ATXN1: variants seen among roughly 807,000 people sequenced by gnomAD.
The protein encoded by ATXN1 is ataxin 1.
In ATXN1, 8 loss-of-function variants were observed where a neutral mutation model predicts 56.4. The ratio of observed to expected loss-of-function variants is 0.14; its 90% CI spans 0.08 to 0.26. ATXN1 has a LOEUF of 0.26. Among genes scored for constraint, ATXN1 ranks in the 10% least tolerant of loss-of-function variants. The pLI, the probability that ATXN1 is intolerant of heterozygous loss-of-function variation, is 1.00. For missense variants in ATXN1, 987 were observed against 1,106.5 expected, an observed-to-expected ratio of 0.89 and a Z score of 1.53; for synonymous variants, 514 against 494.6, an observed-to-expected ratio of 1.04 and a Z score of -0.52.
At chr6:16,551,993 A>G (rs985959045) in intron 4 of ATXN1, among the ~76,000 whole-genome samples, 1 of 152,186 alleles carries the variant, frequency 6.6e-6, no homozygotes, top group East Asian at 1.9e-4. Context: ...GGGCTGTGAA[A>G]CTGCAAGATG....
At chr6:16,590,818 C>T (rs1320764740) in intron 3 of ATXN1, among the ~76,000 whole-genome samples, 2 of 151,730 alleles carry the variant, frequency 1.3e-5, no homozygotes, top group African/African-American at 4.8e-5. Flanking sequence ...TACAGGCACA[C>T]GCCACCATGC....
At chr6:16,323,407 T>C (rs1404449895) in intron 7 of ATXN1, among the ~76,000 whole-genome samples, 4 of 151,402 alleles carry the variant, frequency 2.6e-5, no homozygotes, top group Non-Finnish European at 4.4e-5. Flanking sequence ...TAGTCTCGGC[T>C]ACTTGGGAGG....
intron 6 of ATXN1, among the ~76,000 whole-genome samples, chr6:16,470,491 T>TA (rs199591858): frequency 2.1e-3 from 323 of 152,188 alleles, no homozygotes; most frequent in Middle Eastern, 0.014. Context: ...TTTACTATAA[T>TA]AAAAAAAACT....
intron 2 of ATXN1, among the ~76,000 whole-genome samples, chr6:16,704,644 T>C (rs774321403): frequency 4.6e-5 from 7 of 152,184 alleles, no homozygotes; most frequent in Non-Finnish European, 7.3e-5. Flanking sequence ...GAAGCCGCAG[T>C]GCAATGTGAT....
At chr6:16,446,603 T>C (rs1425617958) in intron 6 of ATXN1, among the ~76,000 whole-genome samples, 2 of 152,238 alleles carry the variant, frequency 1.3e-5, no homozygotes, top group Non-Finnish European at 2.9e-5. Flanking sequence ...CATTTTGCTT[T>C]AGTCATTTGC....
intron 2 of ATXN1, among the ~76,000 whole-genome samples, chr6:16,666,171 A>T (rs1316274381): frequency 1.3e-5 from 2 of 151,946 alleles, no homozygotes; most frequent in African/African-American, 4.8e-5. Flanking sequence ...GCTAACCATC[A>T]TTCTACTCTC....
In ATXN1 at chr6:16,613,011, A is replaced by C. The variant is rs1229219821; in HGVS notation, c.-488-27104T>G. Among the ~76,000 whole-genome samples the C allele has an allele frequency of 2.0e-4, 30 of 151,142 alleles. 1 individual carries two copies. Among genetic ancestry groups the C allele is most frequent in the African/African-American group, 7.0e-4 (29 of 41,264 alleles). The stretch of plus-strand genomic sequence containing the variant: ...CCGGGCGCGGTGGCTCACGCCTGTA[A>C]TCCCAGCACTTTGGGAGGCCGAGGC... On this transcript the variant is annotated intron_variant, in intron 3 of 7. Transcript: ENST00000436367.
chr6:16,739,854 C>G, intron 2 of ATXN1: 1 of 456,926 alleles, frequency 2.2e-6, no homozygotes, highest in South Asian at 1.5e-5. Flanking sequence ...CACCAAGTCC[C>G]GGGGACTTCC....
chr6:16,375,468 A>G (rs562334852), intron 6 of ATXN1, among the ~76,000 whole-genome samples: 1 of 152,280 alleles, frequency 6.6e-6, no homozygotes, highest in South Asian at 2.1e-4. Context: ...ATGTCCTTCT[A>G]TGCCTGGTTA....
intron 6 of ATXN1, among the ~76,000 whole-genome samples, chr6:16,416,354 C>T (rs1329762054): frequency 2.0e-5 from 3 of 152,212 alleles, no homozygotes; most frequent in South Asian, 2.1e-4. Flanking sequence ...TTTATTGGCT[C>T]AATAATTAAT....
chr6:16,425,410 T>C (rs1453136190), intron 6 of ATXN1, among the ~76,000 whole-genome samples: 2 of 152,194 alleles, frequency 1.3e-5, no homozygotes, highest in Admixed American at 6.5e-5. Flanking sequence ...CAACATAATA[T>C]ACTGAAACAC....
intron 2 of ATXN1, among the ~76,000 whole-genome samples, chr6:16,688,659 A>G (rs780639633): frequency 2.3e-4 from 35 of 152,228 alleles, no homozygotes; most frequent in Non-Finnish European, 3.8e-4. Flanking sequence ...GTAATTGTGC[A>G]AAGAGAGAAT....
intron 6 of ATXN1, among the ~76,000 whole-genome samples, chr6:16,363,014 A>G (rs543575441): frequency 2.0e-5 from 3 of 152,318 alleles, no homozygotes; most frequent in Admixed American, 6.5e-5. Context: ...GATATAATCT[A>G]TATGTATGCT....
intron 3 of ATXN1, among the ~76,000 whole-genome samples, chr6:16,639,817 A>G (rs1351108629): frequency 6.6e-6 from 1 of 152,208 alleles, no homozygotes; most frequent in East Asian, 1.9e-4. Flanking sequence ...GCTGCAGTAA[A>G]ATTACAATGT....
At chr6:16,586,015 ACACACACATG>A (rs2113765439) in intron 3 of ATXN1, 108 bp from the exon 4 acceptor site, 1 of 151,504 alleles carries the variant, frequency 6.6e-6, no homozygotes, top group Admixed American at 6.6e-5. Flanking sequence ...ATAATCTCTC[ACACACACATG>A]CACACACGCA....
At chr6:16,733,868 C>A (rs979457418) in intron 2 of ATXN1, among the ~76,000 whole-genome samples, 6 of 152,030 alleles carry the variant, frequency 3.9e-5, no homozygotes, top group Admixed American at 3.3e-4. Flanking sequence ...GAACCACTGG[C>A]TGGGTGGAGT....
chr6:16,418,158 C>A (rs1031763498), intron 6 of ATXN1, among the ~76,000 whole-genome samples: 5 of 152,202 alleles, frequency 3.3e-5, no homozygotes, highest in Non-Finnish European at 7.3e-5. Context: ...GCTTAAAATG[C>A]TCATTAAATG....
At chr6:16,453,197 G>A (rs1261737880) in intron 6 of ATXN1, among the ~76,000 whole-genome samples, 2 of 152,084 alleles carry the variant, frequency 1.3e-5, no homozygotes, top group Admixed American at 6.5e-5. Context: ...CATTGATAGA[G>A]GGGGTACACT....
At chr6:16,660,462 T>C (rs922809689) in intron 2 of ATXN1, among the ~76,000 whole-genome samples, 7 of 152,258 alleles carry the variant, frequency 4.6e-5, no homozygotes, top group Non-Finnish European at 4.4e-5. Flanking sequence ...AAGTATGGGA[T>C]ATCAACAACC....
Sources: gnomAD v4.1 joint callset for allele counts (sites outside exome capture counted in the v4.1 genomes callset) on GRCh38, gnomAD v4.1.1 for gene constraint, MANE v1.5 for transcripts, NCBI Gene and HGNC (gene_info 2026-07-23, HGNC 2026-07-21) for gene names.